RAB11FIP4: variants seen among roughly 807,000 people sequenced by gnomAD.
RAB11FIP4 encodes the protein RAB11 family interacting protein 4.
In RAB11FIP4, 23 loss-of-function variants were observed where a neutral mutation model predicts 74.3. The observed-to-expected ratio is 0.31, with a 90% CI of 0.22 to 0.44. The LOEUF is 0.44. Ranked by LOEUF, RAB11FIP4 falls within the 20% of genes least tolerant of loss-of-function variation. RAB11FIP4 has a pLI of 1.00. For synonymous variants in RAB11FIP4, 360 were observed against 359.9 expected, an observed-to-expected ratio of 1.00 and a Z score of 0.00; for missense variants, 630 against 863.9, an observed-to-expected ratio of 0.73 and a Z score of 3.39.
At chr17:31,488,972 C>A (rs984317014) in intron 3 of RAB11FIP4, among the ~76,000 whole-genome samples, 2 of 152,220 alleles carry the variant, frequency 1.3e-5, no homozygotes, top group Admixed American at 6.5e-5. Context: ...GCACCCTACT[C>A]CTCGCCCATG....
At chr17:31,453,174 G>C (rs1402371857) in intron 3 of RAB11FIP4, among the ~76,000 whole-genome samples, 1 of 151,910 alleles carries the variant, frequency 6.6e-6, no homozygotes, top group Non-Finnish European at 1.5e-5. Flanking sequence ...AACATAGAGA[G>C]ACCCCATATC....
intron 3 of RAB11FIP4, among the ~76,000 whole-genome samples, chr17:31,508,607 G>A (rs778860933): frequency 3.3e-5 from 5 of 152,192 alleles, no homozygotes; most frequent in East Asian, 1.9e-4. Context: ...GGGTGCACGC[G>A]GCCCGGGTCG....
chr17:31,471,356 C>T (rs9895020), intron 3 of RAB11FIP4, among the ~76,000 whole-genome samples: 2,680 of 151,934 alleles, frequency 0.018, 60 homozygotes, highest in African/African-American at 0.061. Flanking sequence ...TGAGCCACTG[C>T]GCCCAGCTGG....
In RAB11FIP4 at chr17:31,531,798, G is replaced by A; in HGVS notation, c.*66G>A. The A allele has an allele frequency of 9.6e-7, 1 of 1,039,052 alleles. No homozygotes were observed. The highest frequency in any genetic ancestry group is 1.5e-6 in the Non-Finnish European group (1 of 667,514). The allele number at this position is 1,039,052 out of a possible 1,614,324, so 64.4% of individuals were successfully genotyped here. A position where few individuals can be genotyped will look rare whatever the true frequency, so the allele number is the denominator to read the frequency against. ...CCAAGGGCAGACCCTGCCCAAGGAT[G>A]CAGGCCTAAGCCGGGCCTCACACTC... On this transcript the variant is annotated 3_prime_UTR_variant, in exon 15 of 15. Coordinates refer to ENST00000621161, the MANE Select transcript of RAB11FIP4 (RefSeq NM_032932.6).
chr17:31,491,142 T>G (rs2072000159), intron 3 of RAB11FIP4, among the ~76,000 whole-genome samples: 1 of 152,244 alleles, frequency 6.6e-6, no homozygotes, highest in Non-Finnish European at 1.5e-5. Context: ...TCCCACCTGG[T>G]GCCTTACTGG....
At chr17:31,522,641 G>A in intron 7 of RAB11FIP4, 1 of 546,950 alleles carries the variant, frequency 1.8e-6, no homozygotes, top group Non-Finnish European at 3.2e-6. Flanking sequence ...TTGACTTCAG[G>A]CAGGCATGCC....
intron 1 of RAB11FIP4, among the ~76,000 whole-genome samples, chr17:31,411,236 C>A (rs973690511): frequency 1.3e-5 from 2 of 152,126 alleles, no homozygotes; most frequent in African/African-American, 4.8e-5. Flanking sequence ...TGATGGCGGG[C>A]GCCTGTAGTC....
chr17:31,427,253 G>A (rs763960596), intron 1 of RAB11FIP4, among the ~76,000 whole-genome samples: 9 of 152,298 alleles, frequency 5.9e-5, no homozygotes, highest in Middle Eastern at 3.4e-3. Context: ...GAGCCACTGC[G>A]CCCGGCTGGC....
At chr17:31,404,108 G>A (rs1157994411) in intron 1 of RAB11FIP4, among the ~76,000 whole-genome samples, 7 of 152,212 alleles carry the variant, frequency 4.6e-5, no homozygotes, top group African/African-American at 7.2e-5. Flanking sequence ...TGACTGCTCC[G>A]ATTTCCTGCC....
At chr17:31,458,220 C>G in intron 3 of RAB11FIP4, among the ~76,000 whole-genome samples, 2 of 152,264 alleles carry the variant, frequency 1.3e-5, no homozygotes, top group Middle Eastern at 3.4e-3. Flanking sequence ...TCCTGAGGCT[C>G]CTCAGGTGTC....
intron 1 of RAB11FIP4, among the ~76,000 whole-genome samples, chr17:31,411,241 G>T (rs953593639): frequency 2.6e-5 from 4 of 152,202 alleles, no homozygotes; most frequent in Admixed American, 1.3e-4. Context: ...GCGGGCGCCT[G>T]TAGTCCCAGC....
intron 1 of RAB11FIP4, 39 bp from the exon 2 acceptor site, chr17:31,431,774 C>T (rs2071312023): frequency 2.1e-6 from 3 of 1,405,724 alleles, no homozygotes; most frequent in Non-Finnish European, 3.0e-6. Context: ...TCGGGAGATC[C>T]TTGGGTGTCT....
chr17:31,414,100 A>G (rs1304583345), intron 1 of RAB11FIP4, among the ~76,000 whole-genome samples: 2 of 152,136 alleles, frequency 1.3e-5, no homozygotes, highest in African/African-American at 4.8e-5. Flanking sequence ...TGATGAGGCA[A>G]TGATGTTGCT....
intron 3 of RAB11FIP4, among the ~76,000 whole-genome samples, chr17:31,485,759 G>T (rs1597946123): frequency 6.6e-6 from 1 of 152,142 alleles, no homozygotes; most frequent in African/African-American, 2.4e-5. Flanking sequence ...CACTGTGCTA[G>T]GGTGTACAAC....
chr17:31,480,793 C>CAAAAAAAAAAAAAAAAAAA, intron 3 of RAB11FIP4, among the ~76,000 whole-genome samples: 1 of 73,842 alleles, frequency 1.4e-5, no homozygotes, highest in Non-Finnish European at 2.6e-5. Flanking sequence ...GACTCCGTCT[C>CAAAAAAAAAAAAAAAAAAA]AAAAAAAAAA....
At chr17:31,454,339 T>A (rs997474367) in intron 3 of RAB11FIP4, among the ~76,000 whole-genome samples, 3 of 152,128 alleles carry the variant, frequency 2.0e-5, no homozygotes, top group African/African-American at 7.2e-5. Context: ...AGTGGTGCGA[T>A]CTCAGCTCAC....
chr17:31,414,291 T>C (rs2071127039), intron 1 of RAB11FIP4, among the ~76,000 whole-genome samples: 1 of 152,160 alleles, frequency 6.6e-6, no homozygotes, highest in Non-Finnish European at 1.5e-5. Flanking sequence ...TTTATTTCAC[T>C]CAAAAATAAC....
In RAB11FIP4 at chr17:31,411,212, A is replaced by C. The variant is rs189258676; in HGVS notation, c.159+19201A>C. Among the ~76,000 whole-genome samples, 167 of 152,242 alleles carry C rather than the reference A, an allele frequency of 1.1e-3. 3 individuals carry two copies. The East Asian group carries it at 0.028, about 26-fold the overall frequency. ...CCCCGTCTCTACTAAAAATACAAAA[A>C]AATTAGCCAGGCGTGATGGCGGGCG... On this transcript the variant is annotated intron_variant, in intron 1 of 14. Transcript: ENST00000621161.
rs2071073815 is a variant in RAB11FIP4 at position 31,409,536 on chromosome 17, C to G, written c.159+17525C>G. On this transcript the variant is annotated intron_variant, in intron 1 of 14. Coordinates refer to ENST00000621161, the MANE Select transcript of RAB11FIP4 (RefSeq NM_032932.6). ...CCAGAGGAAAATCAGGGTGCACTTA[C>G]CAGGTGAGGGGCATTGCAACGTTGG... Among the ~76,000 whole-genome samples, 3 of 152,134 alleles carry G rather than the reference C, an allele frequency of 2.0e-5. No homozygotes were observed. In the South Asian group the frequency reaches 6.2e-4, roughly 31 times the overall value.
Sources: allele counts gnomAD v4.1 joint callset (sites outside exome capture counted in the v4.1 genomes callset), GRCh38; gene constraint gnomAD v4.1.1; transcripts MANE v1.5; gene names NCBI Gene and HGNC (gene_info 2026-07-23, HGNC 2026-07-21).